Variants in ZFYVE9 observed in about 807,000 individuals in gnomAD.
ZFYVE9 encodes the protein zinc finger FYVE-type containing 9.
ZFYVE9 carries 43 observed loss-of-function variants against 126.7 expected under a neutral mutation model. That is an observed-to-expected ratio of 0.34 (90% CI 0.27 to 0.44). The LOEUF (loss-of-function observed/expected upper bound fraction) is 0.44, where lower values mean the gene tolerates loss of function less well. Among genes scored for constraint, ZFYVE9 ranks in the 20% least tolerant of loss-of-function variants. ZFYVE9 has a pLI of 1.00. For missense variants in ZFYVE9, 1,476 were observed against 1,697.0 expected, an observed-to-expected ratio of 0.87 and a Z score of 2.29; for synonymous variants, 521 against 597.4, an observed-to-expected ratio of 0.87 and a Z score of 1.87.
intron 16 of ZFYVE9, 49 bp downstream of exon 16, chr1:52,337,983 C>A (rs1247012681): frequency 6.3e-7 from 1 of 1,576,618 alleles, no homozygotes; most frequent in Admixed American, 1.8e-5. Flanking sequence ...ATAGGTTAGG[C>A]TCTGGGTTTT....
In ZFYVE9 at chr1:52,236,946, A is replaced by AT. The variant is rs547571643; in HGVS notation, c.71-534dup. On this transcript the variant is annotated intron_variant, in intron 3 of 18. Coordinates refer to ENST00000287727, the MANE Select transcript of ZFYVE9 (RefSeq NM_004799.4). ...CCTTCTCACTCCCTGCTTCATTCTT[A>AT]TTTTTTTTAACAGCTTTTTAAAAGG... 7.5e-3 allele frequency among the ~76,000 whole-genome samples: 1,132 copies of AT among 151,858 alleles called. 15 individuals carry two copies. Among genetic ancestry groups the AT allele is most frequent in the African/African-American group, 0.026 (1,087 of 41,426 alleles).
intron 1 of ZFYVE9, among the ~76,000 whole-genome samples, chr1:52,194,118 C>G (rs954790350): frequency 4.6e-5 from 7 of 151,908 alleles, no homozygotes; most frequent in Admixed American, 6.6e-5. Flanking sequence ...CAAAAACAAA[C>G]AAAGTAGTTT....
intron 11 of ZFYVE9, 150 bp from the exon 12 acceptor site, chr1:52,295,745 C>A: frequency 3.4e-6 from 2 of 589,838 alleles, no homozygotes; most frequent in South Asian, 2.0e-5. Context: ...CATTTGTCTG[C>A]TACCATGCCA....
Position 52,281,665 on chromosome 1 carries a change from G to C in ZFYVE9, c.2874G>C (p.Val958=). The C allele has an allele frequency of 6.2e-7, 1 of 1,613,940 alleles. No homozygotes were observed. The highest frequency in any genetic ancestry group is 8.5e-7 in the Non-Finnish European group (1 of 1,179,984). Residue 958 remains valine (V), a synonymous_variant, in exon 10 of 19, where the codon GTG becomes GTC. Transcript: ENST00000287727. ...LLSMVKIVNY[V]NRKCWCFTTK... is the part of the protein sequence containing the mutation. ...GTGTTTTTATTCCATCTGTAGATGT[G>C]AACAGGAAGTGCTGGTGTTTCACAA...
chr1:52,327,471 GT>G (rs1363803021), intron 13 of ZFYVE9, among the ~76,000 whole-genome samples: 1 of 150,704 alleles, frequency 6.6e-6, no homozygotes, highest in African/African-American at 2.4e-5. Flanking sequence ...GCGTGGTGGC[GT>G]GTGCCTGAAG....
At chr1:52,162,437 A>G (rs1389965233) in intron 1 of ZFYVE9, 1 of 257,672 alleles carries the variant, frequency 3.9e-6, no homozygotes, top group Admixed American at 3.8e-5. Context: ...TGTCTTGGTA[A>G]TAGAATAATC....
chr1:52,254,764 C>A (rs756186128), intron 4 of ZFYVE9, among the ~76,000 whole-genome samples: 3 of 151,928 alleles, frequency 2.0e-5, no homozygotes, highest in African/African-American at 7.3e-5. Context: ...CTCAGGAGTT[C>A]GAGACCAGCC....
In ZFYVE9 at chr1:52,225,559, C is replaced by T. The variant is rs1036060437; in HGVS notation, c.-36-7612C>T. 4.6e-5 allele frequency among the ~76,000 whole-genome samples: 7 copies of T among 152,132 alleles called. No individual in the cohort carries two copies. In the East Asian group the frequency reaches 7.7e-4, roughly 17 times the overall value. ...TGTGTCTTTCCCATGTTGGATGGGT[C>T]GGACTGCACAATCTAAGCTGATCCC... On this transcript the variant is annotated intron_variant, in intron 2 of 18. Transcript: ENST00000287727.
chr1:52,342,101 C>T (rs1646441935), intron 17 of ZFYVE9, among the ~76,000 whole-genome samples: 1 of 152,056 alleles, frequency 6.6e-6, no homozygotes, highest in South Asian at 2.1e-4. Context: ...TCTCCTGACT[C>T]CCACTCGGTC....
chr1:52,168,234 T>C (rs1475435869), intron 1 of ZFYVE9, among the ~76,000 whole-genome samples: 5 of 145,202 alleles, frequency 3.4e-5, no homozygotes, highest in Non-Finnish European at 6.0e-5. Flanking sequence ...TTTTTTTTTT[T>C]TTGACAGAGT....
Position 52,142,098 on chromosome 1 carries a change from T to C in ZFYVE9, c.-448T>C, listed in dbSNP as rs1317303429. 6.6e-6 allele frequency: 1 copy of C among 151,174 alleles called. No individual in the cohort carries two copies. Among genetic ancestry groups the C allele is most frequent in the Non-Finnish European group, 1.5e-5 (1 of 67,668 alleles). 9.4% of individuals were successfully genotyped at this position (151,174 alleles called of 1,614,324 possible). A position where few individuals can be genotyped will look rare whatever the true frequency, so the allele number is the denominator to read the frequency against. ...GGCGGCAGGAGCGGCCACCCGACGC[T>C]GGAGGCTTCGCTGAGGATCCCCGCC... On this transcript the variant is annotated 5_prime_UTR_variant, in exon 1 of 19. Coordinates refer to ENST00000287727, the MANE Select transcript of ZFYVE9 (RefSeq NM_004799.4). The surrounding 1 kb of genome is among the most constrained non-coding windows in gnomAD (Gnocchi z 4.5).
At chr1:52,190,748 C>T (rs1228614163) in intron 1 of ZFYVE9, among the ~76,000 whole-genome samples, 3 of 152,096 alleles carry the variant, frequency 2.0e-5, no homozygotes, top group Non-Finnish European at 4.4e-5. Context: ...ACTTAAATCA[C>T]TTTGTCAGTA....
intron 4 of ZFYVE9, among the ~76,000 whole-genome samples, chr1:52,257,309 A>G (rs1325130801): frequency 1.3e-5 from 2 of 152,236 alleles, no homozygotes; most frequent in Admixed American, 1.3e-4. Context: ...TAGCATTTCT[A>G]TTTTACATGT....
chr1:52,186,689 A>G (rs1271481401), intron 1 of ZFYVE9, among the ~76,000 whole-genome samples: 2 of 152,220 alleles, frequency 1.3e-5, no homozygotes, highest in Non-Finnish European at 2.9e-5. Flanking sequence ...TGAGAGCCAA[A>G]TTAGAAACGC....
At chr1:52,267,932 A>C (rs1645650173) in intron 6 of ZFYVE9, among the ~76,000 whole-genome samples, 1 of 152,308 alleles carries the variant, frequency 6.6e-6, no homozygotes, top group South Asian at 2.1e-4. Flanking sequence ...AGATCTGGTC[A>C]GTTTGCTTCC....
chr1:52,189,489 G>C (rs559958330), intron 1 of ZFYVE9, among the ~76,000 whole-genome samples: 3 of 150,346 alleles, frequency 2.0e-5, no homozygotes, highest in African/African-American at 7.3e-5. Context: ...CACCCACCTC[G>C]GCCTCCCAAA....
intron 1 of ZFYVE9, chr1:52,180,374 T>G: frequency 6.5e-7 from 1 of 1,540,982 alleles, no homozygotes; most frequent in Non-Finnish European, 8.9e-7. Flanking sequence ...AGTTTATTGG[T>G]CCTCTGGTGT....
Position 52,337,829 on chromosome 1 carries a change from G to C in ZFYVE9, c.3728G>C (p.Arg1243Pro). ...ATGGATTCCTTGAGGCAGGCACTGC[G>C]AGAGATGAAGGACTTCACCATCACC... ...ENMDSLRQAL[R>P]EMKDFTITCG... Residue 1243 changes from arginine (R) to proline (P), a missense_variant, in exon 16 of 19, where the codon CGA (arginine) becomes CCA (proline). By Grantham distance (103) the Arg-to-Pro change is moderately radical (BLOSUM62 -2). This residue lies in a region of ZFYVE9 where 669 missense variants were observed against 902.4 expected (regional missense o/e 0.74). Coordinates refer to ENST00000287727, the MANE Select transcript of ZFYVE9 (RefSeq NM_004799.4). 1 of 1,614,246 alleles carries C rather than the reference G, an allele frequency of 6.2e-7. No individual in the cohort carries two copies.
chr1:52,179,432 C>T (rs1002741680), intron 1 of ZFYVE9, among the ~76,000 whole-genome samples: 2 of 151,520 alleles, frequency 1.3e-5, no homozygotes, highest in Non-Finnish European at 2.9e-5. Context: ...GTCAGGAGTT[C>T]AAGACCAGCC....
Sources: gnomAD v4.1 joint callset for allele counts (sites outside exome capture counted in the v4.1 genomes callset) on GRCh38, gnomAD v4.1.1 for gene constraint, gnomAD v4.1.1 regional missense constraint, Gnocchi (gnomAD v3.1) non-coding constraint, MANE v1.5 for transcripts, NCBI Gene and HGNC (gene_info 2026-07-23, HGNC 2026-07-21) for gene names.